The following CNTN4 variants were observed in gnomAD, a reference collection of about 807,000 sequenced individuals.
CNTN4 encodes contactin 4.
CNTN4 carries 77 observed loss-of-function variants against 122.5 expected under a neutral mutation model. The ratio of observed to expected loss-of-function variants is 0.63; its 90% CI spans 0.52 to 0.76. CNTN4 has a LOEUF of 0.76. Among genes scored for constraint, CNTN4 ranks in the 30% least tolerant of loss-of-function variants. CNTN4 has a pLI of 0.00. For synonymous variants in CNTN4, 512 were observed against 447.0 expected (o/e 1.15, Z -1.83); for missense variants, 1,256 against 1,259.1 (o/e 1.00, Z 0.04).
chr3:2,626,715 T>C (rs962642955), intron 4 of CNTN4, among the ~76,000 whole-genome samples: 2 of 152,174 alleles, frequency 1.3e-5, no homozygotes, highest in Admixed American at 1.3e-4. Context: ...ATAACCCAGA[T>C]TACTTAGCAT....
intron 3 of CNTN4, among the ~76,000 whole-genome samples, chr3:2,429,859 C>A (rs1378100922): frequency 6.6e-6 from 1 of 152,144 alleles, no homozygotes. Context: ...AGTGAGGCTC[C>A]GTGGGCATGG....
At chr3:2,731,349 C>A (rs369825886) in intron 4 of CNTN4, among the ~76,000 whole-genome samples, 1 of 152,156 alleles carries the variant, frequency 6.6e-6, no homozygotes, top group Admixed American at 6.5e-5. Context: ...AGATAATTAC[C>A]GTGGTATGGA....
chr3:2,504,711 G>A (rs1043558794), intron 3 of CNTN4, among the ~76,000 whole-genome samples: 2 of 152,060 alleles, frequency 1.3e-5, no homozygotes, highest in Non-Finnish European at 2.9e-5. Flanking sequence ...GAGAAATATT[G>A]TGATCAAACA....
At chr3:2,886,672 C>A (rs1004901445) in intron 9 of CNTN4, among the ~76,000 whole-genome samples, 1 of 151,530 alleles carries the variant, frequency 6.6e-6, no homozygotes, top group South Asian at 2.1e-4. Flanking sequence ...CCACCATGCC[C>A]GGGTAATTTT....
chr3:2,734,558 G>T (rs571299793), intron 4 of CNTN4, among the ~76,000 whole-genome samples: 99 of 151,836 alleles, frequency 6.5e-4, no homozygotes, highest in Non-Finnish European at 1.1e-3. Flanking sequence ...AAGATCGTGG[G>T]CCGTCCTCAG....
At chr3:3,055,813 T>G (rs1390751787) in intron 24 of CNTN4, among the ~76,000 whole-genome samples, 5 of 152,212 alleles carry the variant, frequency 3.3e-5, no homozygotes, top group Non-Finnish European at 5.9e-5. Flanking sequence ...ATTTTCATTT[T>G]GTTGAATCAT....
chr3:2,963,932 G>A (rs7633715), intron 13 of CNTN4, among the ~76,000 whole-genome samples: 70,022 of 151,974 alleles, frequency 0.46, 17,480 homozygotes, highest in East Asian at 0.68. Flanking sequence ...TTGAAGAATG[G>A]TCATAAACAG....
chr3:2,843,252 A>G (rs570654564), intron 7 of CNTN4, among the ~76,000 whole-genome samples: 4 of 152,152 alleles, frequency 2.6e-5, no homozygotes, highest in African/African-American at 9.6e-5. Flanking sequence ...GTCTTTATTT[A>G]TTTATTTATT....
chr3:2,564,023 T>C (rs1054455521), intron 3 of CNTN4, among the ~76,000 whole-genome samples: 2 of 152,212 alleles, frequency 1.3e-5, no homozygotes, highest in African/African-American at 4.8e-5. Flanking sequence ...TATGTTTGTA[T>C]TTGTGTATTC....
intron 12 of CNTN4, among the ~76,000 whole-genome samples, chr3:2,913,606 A>G (rs186231139): frequency 6.6e-6 from 1 of 152,366 alleles, no homozygotes; most frequent in East Asian, 1.9e-4. Context: ...GATTCATCAC[A>G]AAGATGTAAC....
At chr3:2,196,782 C>G (rs2037853024) in intron 2 of CNTN4, among the ~76,000 whole-genome samples, 1 of 151,784 alleles carries the variant, frequency 6.6e-6, no homozygotes. Context: ...CGGTGGCTCG[C>G]TCCTGTAATC....
At chr3:2,338,375 A>G (rs1275931073) in intron 2 of CNTN4, among the ~76,000 whole-genome samples, 3 of 152,040 alleles carry the variant, frequency 2.0e-5, no homozygotes, top group Admixed American at 6.6e-5. Context: ...CAATTATGTT[A>G]TATTTAAGAA....
At chr3:2,960,957 G>A (rs1407226837) in intron 13 of CNTN4, among the ~76,000 whole-genome samples, 2 of 151,878 alleles carry the variant, frequency 1.3e-5, no homozygotes, top group Non-Finnish European at 2.9e-5. Context: ...TGTGCCGGGC[G>A]CGGTGACTCA....
intron 3 of CNTN4, among the ~76,000 whole-genome samples, chr3:2,477,745 A>G (rs1575721650): frequency 6.6e-6 from 1 of 152,308 alleles, no homozygotes; most frequent in Non-Finnish European, 1.5e-5. Flanking sequence ...AGATTGGTTT[A>G]TTTTCGCTCT....
intron 2 of CNTN4, among the ~76,000 whole-genome samples, chr3:2,155,185 C>G (rs939976780): frequency 6.6e-6 from 1 of 152,196 alleles, no homozygotes; most frequent in Non-Finnish European, 1.5e-5. Flanking sequence ...TAATTTTAAA[C>G]CTAATTTTCC....
chr3:2,401,557 G>T (rs957383148), intron 3 of CNTN4, among the ~76,000 whole-genome samples: 10 of 152,064 alleles, frequency 6.6e-5, no homozygotes, highest in Admixed American at 2.0e-4. Flanking sequence ...AATAATCATA[G>T]GTTTCTAATA....
intron 2 of CNTN4, among the ~76,000 whole-genome samples, chr3:2,299,194 T>C (rs2150056050): frequency 6.6e-6 from 1 of 152,208 alleles, no homozygotes; most frequent in Middle Eastern, 3.4e-3. Context: ...AGCATTATTG[T>C]TCAGAAAATT....
intron 3 of CNTN4, among the ~76,000 whole-genome samples, chr3:2,518,403 A>G (rs773400975): frequency 4.6e-5 from 7 of 152,176 alleles, no homozygotes; most frequent in Middle Eastern, 3.2e-3. Flanking sequence ...AGACTGAACT[A>G]TTTCACTTGA....
intron 7 of CNTN4, among the ~76,000 whole-genome samples, chr3:2,824,868 G>A (rs2092953753): frequency 6.6e-6 from 1 of 151,974 alleles, no homozygotes; most frequent in South Asian, 2.1e-4. Flanking sequence ...TCACCATGTT[G>A]GCCAGGCTGA....
Sources: allele counts gnomAD v4.1 joint callset (sites outside exome capture counted in the v4.1 genomes callset), GRCh38; gene constraint gnomAD v4.1.1; transcripts MANE v1.5; gene names NCBI Gene and HGNC (gene_info 2026-07-23, HGNC 2026-07-21).